GRIK2: variants seen among roughly 807,000 people sequenced by gnomAD.
GRIK2 encodes the protein glutamate ionotropic receptor kainate type subunit 2.
In GRIK2, 32 loss-of-function variants were observed where a neutral mutation model predicts 100.3. The observed-to-expected ratio is 0.32, with a 90% confidence interval of 0.24 to 0.43. The LOEUF is 0.43. Among genes scored for constraint, GRIK2 ranks in the 20% least tolerant of loss-of-function variants. The pLI is 1.00. For missense variants in GRIK2, 843 were observed against 1,114.9 expected (o/e 0.76, Z 3.47); for synonymous variants, 417 against 389.4 (o/e 1.07, Z -0.83).
At chr6:101,553,831 A>C (rs1462913154) in intron 2 of GRIK2, among the ~76,000 whole-genome samples, 1 of 152,224 alleles carries the variant, frequency 6.6e-6, no homozygotes, top group East Asian at 1.9e-4. Context: ...ACAAAGGCTA[A>C]AACAGGAAAA....
intron 2 of GRIK2, among the ~76,000 whole-genome samples, chr6:101,474,030 T>G (rs991941462): frequency 1.9e-4 from 29 of 151,898 alleles, no homozygotes; most frequent in Admixed American, 7.9e-4. Context: ...TTAAGCCTCC[T>G]CTCCCATACA....
At chr6:101,470,285 GT>G (rs1209164743) in intron 2 of GRIK2, among the ~76,000 whole-genome samples, 2 of 152,182 alleles carry the variant, frequency 1.3e-5, no homozygotes, top group African/African-American at 4.8e-5. Context: ...TTTTGGTAGA[GT>G]TCTAGCTGAC....
chr6:101,751,695 C>A (rs1010597963), intron 7 of GRIK2, among the ~76,000 whole-genome samples: 10 of 152,158 alleles, frequency 6.6e-5, no homozygotes, highest in Non-Finnish European at 1.3e-4. Context: ...CTGGATTTTG[C>A]TGATTGCAAC....
intron 10 of GRIK2, among the ~76,000 whole-genome samples, chr6:101,835,625 C>T (rs1359108780): frequency 2.0e-5 from 3 of 150,896 alleles, no homozygotes; most frequent in African/African-American, 7.3e-5. Flanking sequence ...CACCCGCCAC[C>T]ACGCCTGGCT....
rs529489432 is a variant in GRIK2, at chr6:101,978,730, G to C, written c.2085+50098G>C. On this transcript the variant is annotated intron_variant, in intron 14 of 16. Coordinates refer to ENST00000369134, the MANE Select transcript of GRIK2 (RefSeq NM_021956.5). ...GTCAGTGGGTTATAAATAATAATTG[G>C]CTCACTTTTATAAAAGCTATGTATA... 5.3e-5 allele frequency among the ~76,000 whole-genome samples: 8 copies of C among 151,788 alleles called. No individual in the cohort carries two copies. The South Asian group carries it at 1.0e-3, about 20-fold the overall frequency.
chr6:101,580,641 C>T (rs1312373871), intron 2 of GRIK2, among the ~76,000 whole-genome samples: 1 of 152,032 alleles, frequency 6.6e-6, no homozygotes, highest in African/African-American at 2.4e-5. Flanking sequence ...CCAACAAGCA[C>T]CTCTAAGGCC....
At chr6:101,788,933 A>G (rs962877444) in intron 7 of GRIK2, among the ~76,000 whole-genome samples, 3 of 151,842 alleles carry the variant, frequency 2.0e-5, no homozygotes, top group South Asian at 2.1e-4. Context: ...TCTCATTGTG[A>G]TTTTGATTTG....
At chr6:101,617,879 T>C (rs1043813134) in intron 2 of GRIK2, among the ~76,000 whole-genome samples, 11 of 151,714 alleles carry the variant, frequency 7.3e-5, no homozygotes, top group African/African-American at 2.7e-4. Context: ...AATGTGTGTA[T>C]ATATGTGTGA....
chr6:101,773,953 TAAG>T (rs1176453983), intron 7 of GRIK2, among the ~76,000 whole-genome samples: 4 of 152,156 alleles, frequency 2.6e-5, no homozygotes, highest in African/African-American at 9.7e-5. Context: ...CTAAACACAA[TAAG>T]AACATAAAAA....
intron 2 of GRIK2, among the ~76,000 whole-genome samples, chr6:101,620,877 A>G (rs1284081572): frequency 6.6e-6 from 1 of 152,144 alleles, no homozygotes; most frequent in African/African-American, 2.4e-5. Context: ...CGAGAGAGCA[A>G]TGATATTAGA....
At chr6:101,585,634 T>C (rs6912160) in intron 2 of GRIK2, among the ~76,000 whole-genome samples, 13,228 of 152,126 alleles carry the variant, frequency 0.087, 1,544 homozygotes, top group African/African-American at 0.27. Context: ...GCCTTGTGAA[T>C]ATGGTGCTCT....
At chr6:101,793,918 G>T (rs1200995772) in intron 7 of GRIK2, among the ~76,000 whole-genome samples, 1 of 152,110 alleles carries the variant, frequency 6.6e-6, no homozygotes, top group African/African-American at 2.4e-5. Flanking sequence ...GCAATGGTGG[G>T]CGCCCCTCTC....
chr6:101,578,403 A>G (rs1777889065), intron 2 of GRIK2, among the ~76,000 whole-genome samples: 2 of 152,114 alleles, frequency 1.3e-5, no homozygotes, highest in African/African-American at 4.8e-5. Flanking sequence ...CTGACATTTC[A>G]TTTTGTTTGA....
At chr6:101,681,998 A>G (rs1295395518) in intron 5 of GRIK2, among the ~76,000 whole-genome samples, 2 of 152,206 alleles carry the variant, frequency 1.3e-5, no homozygotes, top group East Asian at 1.9e-4. Flanking sequence ...GAAATAAAAC[A>G]CAGTAATTTG....
chr6:101,663,469 T>C (rs1562294254), intron 4 of GRIK2, among the ~76,000 whole-genome samples: 1 of 152,014 alleles, frequency 6.6e-6, no homozygotes, highest in Non-Finnish European at 1.5e-5. Flanking sequence ...TGAGGGTGAG[T>C]CAGTCACACC....
At chr6:101,865,763 C>T (rs545475181) in intron 11 of GRIK2, among the ~76,000 whole-genome samples, 4 of 151,926 alleles carry the variant, frequency 2.6e-5, no homozygotes, top group African/African-American at 7.2e-5. Flanking sequence ...CTGGTGCACT[C>T]CCGTAATCCC....
chr6:101,535,689 G>T (rs1162995403), intron 2 of GRIK2, among the ~76,000 whole-genome samples: 2 of 151,644 alleles, frequency 1.3e-5, no homozygotes, highest in Non-Finnish European at 3.0e-5. Flanking sequence ...AGGAGCAATT[G>T]TTGTATTATA....
intron 7 of GRIK2, among the ~76,000 whole-genome samples, chr6:101,719,151 T>G (rs1021817736): frequency 4.7e-4 from 7 of 14,926 alleles, no homozygotes; most frequent in Admixed American, 4.1e-3. Flanking sequence ...TTTTTTTTTT[T>G]TTTTTTTTTT....
intron 4 of GRIK2, among the ~76,000 whole-genome samples, chr6:101,657,509 A>G (rs1769283039): frequency 6.6e-6 from 1 of 152,134 alleles, no homozygotes; most frequent in Non-Finnish European, 1.5e-5. Flanking sequence ...CTTTGCCCTG[A>G]TTTCAAATTA....
Sources: gnomAD v4.1 joint callset for allele counts (sites outside exome capture counted in the v4.1 genomes callset) on GRCh38, gnomAD v4.1.1 for gene constraint, MANE v1.5 for transcripts, NCBI Gene and HGNC (gene_info 2026-07-23, HGNC 2026-07-21) for gene names.